The following SORBS2 variants were observed in gnomAD, a reference collection of about 807,000 sequenced individuals.
The protein encoded by SORBS2 is sorbin and SH3 domain containing 2.
SORBS2 carries 46 observed loss-of-function variants against 97.7 expected under a neutral mutation model. The observed-to-expected ratio is 0.47, with a 90% confidence interval of 0.37 to 0.60. The LOEUF is 0.60. Ranked by LOEUF, SORBS2 falls within the 20% of genes least tolerant of loss-of-function variation. The pLI, the probability that SORBS2 is intolerant of heterozygous loss-of-function variation, is 0.00. For synonymous variants in SORBS2, 476 were observed against 473.4 expected (o/e 1.01, Z -0.07); for missense variants, 1,316 against 1,282.3 (o/e 1.03, Z -0.40).
At chr4:185,940,034 C>T (rs1306037303) in intron 1 of SORBS2, among the ~76,000 whole-genome samples, 15 of 152,184 alleles carry the variant, frequency 9.9e-5, no homozygotes, top group Non-Finnish European at 1.2e-4. Context: ...TCTTCTAAGA[C>T]GCCACACAGC....
intron 1 of SORBS2, among the ~76,000 whole-genome samples, chr4:185,817,998 C>T (rs1561201292): frequency 2.0e-5 from 3 of 152,102 alleles, no homozygotes; most frequent in African/African-American, 7.2e-5. Context: ...GTGGAAAATA[C>T]TGTTGAAAAA....
chr4:185,796,183 AG>A (rs2099103778), intron 1 of SORBS2, among the ~76,000 whole-genome samples: 1 of 152,164 alleles, frequency 6.6e-6, no homozygotes, highest in African/African-American at 2.4e-5. Flanking sequence ...TGGGATTAAC[AG>A]GCATGAGCCA....
At position 185,727,268 on chromosome 4, in the gene SORBS2, C is replaced by T. The variant is rs144741644; in HGVS notation, c.-198+47959G>A. ...TGGACAGATTCTTAAGGATTGTCCA[C>T]GTTTGTATTAACGACCCTATTGCTT... On this transcript the variant is annotated intron_variant, in intron 2 of 20. Transcript: ENST00000284776. Among the ~76,000 whole-genome samples, 508 of 152,246 alleles carry T rather than the reference C, an allele frequency of 3.3e-3. 2 individuals are homozygous for T. Among genetic ancestry groups the T allele is most frequent in the Non-Finnish European group, 5.6e-3 (379 of 68,010 alleles).
At chr4:185,904,881 G>A (rs919656309) in intron 1 of SORBS2, among the ~76,000 whole-genome samples, 1 of 152,132 alleles carries the variant, frequency 6.6e-6, no homozygotes, top group Non-Finnish European at 1.5e-5. Context: ...GAGGCAGGTG[G>A]ATCACCTGAG....
chr4:185,886,078 C>T (rs955274103), intron 1 of SORBS2, among the ~76,000 whole-genome samples: 6 of 152,164 alleles, frequency 3.9e-5, no homozygotes, highest in Non-Finnish European at 5.9e-5. Context: ...CGATGTGTTA[C>T]AGGTGAACAT....
At chr4:185,822,742 G>A (rs1002185418) in intron 1 of SORBS2, among the ~76,000 whole-genome samples, 2 of 152,150 alleles carry the variant, frequency 1.3e-5, no homozygotes, top group Non-Finnish European at 2.9e-5. Flanking sequence ...GGCACCACAG[G>A]CAAAACAAGG....
intron 1 of SORBS2, among the ~76,000 whole-genome samples, chr4:185,864,189 C>T (rs181164020): frequency 1.3e-3 from 195 of 152,190 alleles, no homozygotes; most frequent in Non-Finnish European, 2.4e-3. Context: ...TATAAAAAGC[C>T]GGAGTGTAAC....
intron 1 of SORBS2, among the ~76,000 whole-genome samples, chr4:185,955,378 C>T (rs1215898919): frequency 2.0e-5 from 3 of 152,172 alleles, no homozygotes; most frequent in Non-Finnish European, 4.4e-5. Flanking sequence ...ATAGAAGAAA[C>T]AACTGTGTTA....
rs778955840 is a variant in SORBS2 at position 185,623,695 on chromosome 4, G to A, written c.1434C>T (p.Asn478=). The stretch of plus-strand genomic sequence containing the variant: ...CTTCAATGTGAATGGGCACCAGGGC[G>A]TTAGACTGGCAGCCTCGCCGGCCCC... Residue 478 remains asparagine, a synonymous_variant, in exon 7 of 15, where the codon AAC becomes AAT. Coordinates refer to ENST00000418609, the Ensembl canonical transcript of SORBS2. The surrounding 1 kb of genome is among the most constrained non-coding windows in gnomAD (Gnocchi z 6.4). 1.1e-5 allele frequency: 17 copies of A among 1,613,948 alleles called. No homozygotes were observed. The highest frequency in any genetic ancestry group is 3.3e-5 in the Admixed American group (2 of 60,014).
chr4:185,903,391 A>T (rs1047480980), intron 1 of SORBS2, among the ~76,000 whole-genome samples: 5 of 152,182 alleles, frequency 3.3e-5, no homozygotes, highest in African/African-American at 1.2e-4. Context: ...ATCATGATTC[A>T]TACATTTCTT....
At chr4:185,939,157 CTTTA>C (rs2099270585) in intron 1 of SORBS2, among the ~76,000 whole-genome samples, 1 of 152,100 alleles carries the variant, frequency 6.6e-6, no homozygotes, top group Admixed American at 6.5e-5. Flanking sequence ...ACAAAAATTA[CTTTA>C]TTTTTCACCC....
chr4:185,655,142 G>A (rs182570795), intron 1 of SORBS2, among the ~76,000 whole-genome samples: 140 of 152,296 alleles, frequency 9.2e-4, no homozygotes, highest in African/African-American at 3.2e-3. Context: ...AGATGTCCCA[G>A]GTCACATGAG....
chr4:185,935,573 T>C (rs2099268518), intron 1 of SORBS2, among the ~76,000 whole-genome samples: 1 of 152,336 alleles, frequency 6.6e-6, no homozygotes, highest in East Asian at 1.9e-4. Flanking sequence ...CATTTTACCA[T>C]GAGTAGCCAT....
chr4:185,952,948 C>T lies in SORBS2; in HGVS notation c.-338+3248G>A, dbSNP rs148688569. ...CCCATTAAGGTTACAGCCTGAGCTTCGAACTTCATTTTGGCCCACAGCCCA... is the reference window on the plus strand; with the variant it reads ...CCCATTAAGGTTACAGCCTGAGCTTTGAACTTCATTTTGGCCCACAGCCCA... On this transcript the variant is annotated intron_variant, in intron 1 of 20. Transcript: ENST00000284776. 7.0e-4 allele frequency among the ~76,000 whole-genome samples: 107 copies of T among 152,152 alleles called. No homozygotes were observed. In the East Asian group the frequency reaches 0.019, roughly 27 times the overall value.
chr4:185,828,006 T>G (rs111553114), intron 1 of SORBS2, among the ~76,000 whole-genome samples: 1 of 139,960 alleles, frequency 7.1e-6, no homozygotes, highest in African/African-American at 2.7e-5. Flanking sequence ...ACCATCATCA[T>G]CATCGTCACC....
chr4:185,767,289 G>C (rs1041261987), intron 2 of SORBS2, among the ~76,000 whole-genome samples: 2 of 148,780 alleles, frequency 1.3e-5, no homozygotes, highest in East Asian at 2.0e-4. Flanking sequence ...ACGAGGTCAG[G>C]AGATCGAGAC....
intron 12 of SORBS2, 139 bp downstream of exon 24, chr4:185,611,641 C>T (rs1441533387): frequency 9.8e-6 from 6 of 614,612 alleles, no homozygotes; most frequent in Non-Finnish European, 1.4e-5. Flanking sequence ...ATGTGGCACT[C>T]ACACATGTAG....
chr4:185,697,013 A>G (rs968543814), intron 2 of SORBS2, among the ~76,000 whole-genome samples: 12 of 152,208 alleles, frequency 7.9e-5, no homozygotes, highest in African/African-American at 2.4e-4. Context: ...GAATATCCCT[A>G]TAACACATGT....
intron 2 of SORBS2, among the ~76,000 whole-genome samples, chr4:185,742,253 AC>A (rs1394625453): frequency 1.3e-5 from 2 of 152,188 alleles, no homozygotes; most frequent in African/African-American, 4.8e-5. Context: ...AAAACACAAA[AC>A]AAAACAAAGC....
Sources: gnomAD v4.1 joint callset for allele counts (sites outside exome capture counted in the v4.1 genomes callset) on GRCh38, gnomAD v4.1.1 for gene constraint, Gnocchi (gnomAD v3.1) non-coding constraint, MANE v1.5 for transcripts, NCBI Gene and HGNC (gene_info 2026-07-23, HGNC 2026-07-21) for gene names.